The following VPS35L variants were observed in gnomAD, a reference collection of about 807,000 sequenced individuals.
The protein encoded by VPS35L is VPS35 endosomal protein-sorting factor-like.
VPS35L carries 83 observed loss-of-function variants against 133.0 expected under a neutral mutation model. The ratio of observed to expected loss-of-function variants is 0.62; its 90% CI spans 0.52 to 0.75. The LOEUF (loss-of-function observed/expected upper bound fraction) is 0.75. Among genes scored for constraint, VPS35L ranks in the 30% least tolerant of loss-of-function variants. The probability of loss-of-function intolerance (pLI) is 0.00; values close to 1 mark genes in which losing one functional copy is unlikely to be tolerated. For missense variants in VPS35L, 1,083 were observed against 1,206.8 expected (o/e 0.90, Z 1.52); for synonymous variants, 423 against 449.9 (o/e 0.94, Z 0.76).
intron 7 of VPS35L, among the ~76,000 whole-genome samples, chr16:19,588,726 T>C (rs1185558584): frequency 6.6e-6 from 1 of 151,284 alleles, no homozygotes; most frequent in Non-Finnish European, 1.5e-5. Context: ...TTTCACTACA[T>C]GGACAATGTC....
At chr16:19,626,730 C>G (rs1254955979) in intron 15 of VPS35L, among the ~76,000 whole-genome samples, 5 of 151,912 alleles carry the variant, frequency 3.3e-5, no homozygotes, top group African/African-American at 1.2e-4. Context: ...ACACTGTACT[C>G]TAGCTTGGCG....
At chr16:19,611,361 C>G (rs765310526) in intron 12 of VPS35L, among the ~76,000 whole-genome samples, 1 of 152,148 alleles carries the variant, frequency 6.6e-6, no homozygotes, top group African/African-American at 2.4e-5. Context: ...TGTCAGGACT[C>G]CCCCTAGCAA....
intron 28 of VPS35L, among the ~76,000 whole-genome samples, chr16:19,689,724 T>C (rs1383051675): frequency 6.6e-6 from 1 of 152,120 alleles, no homozygotes; most frequent in Non-Finnish European, 1.5e-5. Context: ...AGGATATCCA[T>C]CATCCCTTTG....
chr16:19,596,441 A>ATT (rs113074231), intron 8 of VPS35L, among the ~76,000 whole-genome samples: 28 of 141,076 alleles, frequency 2.0e-4, no homozygotes, highest in East Asian at 6.3e-4. Context: ...TGCCCAGCGA[A>ATT]TTTTTTTTTT....
chr16:19,696,105 C>T (rs889789050), intron 29 of VPS35L, among the ~76,000 whole-genome samples: 2 of 152,068 alleles, frequency 1.3e-5, no homozygotes, highest in Non-Finnish European at 2.9e-5. Flanking sequence ...AGGATGGTCT[C>T]GATCTCCTGA....
intron 29 of VPS35L, among the ~76,000 whole-genome samples, chr16:19,695,681 G>C (rs1250559159): frequency 6.6e-6 from 1 of 152,106 alleles, no homozygotes; most frequent in Non-Finnish European, 1.5e-5. Flanking sequence ...AGGCATGGTG[G>C]TGTGCACCCT....
chr16:19,572,426 C>G (rs1971412350), intron 3 of VPS35L, among the ~76,000 whole-genome samples: 1 of 152,006 alleles, frequency 6.6e-6, no homozygotes, highest in South Asian at 2.1e-4. Context: ...TCTTTGCTGG[C>G]ATAAGGCAAT....
chr16:19,621,551 A>T (rs1040044761), intron 14 of VPS35L, among the ~76,000 whole-genome samples: 3 of 152,260 alleles, frequency 2.0e-5, no homozygotes, highest in Non-Finnish European at 2.9e-5. Flanking sequence ...GCTGTGTGTG[A>T]AAATGAAAGA....
intron 26 of VPS35L, among the ~76,000 whole-genome samples, chr16:19,660,847 A>C (rs904691763): frequency 2.6e-5 from 4 of 152,152 alleles, no homozygotes; most frequent in Non-Finnish European, 5.9e-5. Flanking sequence ...ACTTCCAACC[A>C]TACAGAAATG....
intron 7 of VPS35L, among the ~76,000 whole-genome samples, chr16:19,585,618 T>C (rs1971840898): frequency 6.6e-6 from 1 of 152,022 alleles, no homozygotes; most frequent in African/African-American, 2.4e-5. Context: ...TTGCTCAGTC[T>C]GGTCTTGAAC....
chr16:19,664,647 T>C (rs1002277436), intron 26 of VPS35L, among the ~76,000 whole-genome samples: 2 of 151,208 alleles, frequency 1.3e-5, no homozygotes, highest in African/African-American at 2.4e-5. Context: ...ACGCCTGTAA[T>C]CCCAGCACTT....
chr16:19,609,525 G>A (rs1972643059), intron 11 of VPS35L, among the ~76,000 whole-genome samples: 1 of 152,208 alleles, frequency 6.6e-6, no homozygotes, highest in Non-Finnish European at 1.5e-5. Flanking sequence ...TGCCCTTAGT[G>A]GCTTAGGTCC....
rs1308074933 is a variant in VPS35L at position 19,633,917 on chromosome 16, G to A, written c.1635+745G>A. Among the ~76,000 whole-genome samples the A allele has an allele frequency of 6.6e-6, 1 of 151,764 alleles. No homozygotes were observed. Among genetic ancestry groups the A allele is most frequent in the Non-Finnish European group, 1.5e-5 (1 of 67,934 alleles). Reference sequence around the variant, plus strand: ...AATTTTTTGAATTTTTAGTAGAGTTGGGGTTTCACCGCGTTAGCCAGGGTG... The same window carrying A: ...AATTTTTTGAATTTTTAGTAGAGTTAGGGTTTCACCGCGTTAGCCAGGGTG... On this transcript the variant is annotated intron_variant, in intron 19 of 30. Coordinates refer to ENST00000417362, the MANE Select transcript of VPS35L (RefSeq NM_020314.7). This position sits in a 1 kb window ranked among gnomAD's most constrained non-coding sequence, Gnocchi z 4.1.
At chr16:19,697,287 G>A (rs763284877) in intron 29 of VPS35L, among the ~76,000 whole-genome samples, 9 of 152,114 alleles carry the variant, frequency 5.9e-5, no homozygotes, top group Admixed American at 1.3e-4. Context: ...GGGAGGTGCC[G>A]AAGAGTCTTA....
intron 28 of VPS35L, among the ~76,000 whole-genome samples, chr16:19,688,745 TCTGGTAG>T (rs1448025479): frequency 1.3e-5 from 2 of 152,108 alleles, no homozygotes; most frequent in South Asian, 2.1e-4. Context: ...CAAGTCCCCA[TCTGGTAG>T]CTGGAATGAA....
chr16:19,691,100 C>T (rs1408921082), intron 28 of VPS35L, among the ~76,000 whole-genome samples: 2 of 152,212 alleles, frequency 1.3e-5, no homozygotes, highest in East Asian at 1.9e-4. Flanking sequence ...ATGTCACCCC[C>T]GCTCCCCGCC....
intron 4 of VPS35L, among the ~76,000 whole-genome samples, chr16:19,573,763 A>C (rs1341931667): frequency 1.3e-5 from 2 of 152,134 alleles, no homozygotes; most frequent in Non-Finnish European, 2.9e-5. Flanking sequence ...CATTGCGCAG[A>C]GATCACGCCA....
chr16:19,669,665 CTG>C (rs1406135216), intron 27 of VPS35L, among the ~76,000 whole-genome samples: 1 of 144,760 alleles, frequency 6.9e-6, no homozygotes, highest in East Asian at 2.1e-4. Context: ...CTCTCTCTTT[CTG>C]TCTCTCTTTT....
At chr16:19,617,693 A>C (rs1597365548) in intron 14 of VPS35L, 2 of 152,136 alleles carry the variant, frequency 1.3e-5, no homozygotes, top group East Asian at 3.9e-4. Context: ...CACCAATTCA[A>C]ACTGTCATGA....
Sources: gnomAD v4.1 joint callset for allele counts (sites outside exome capture counted in the v4.1 genomes callset) on GRCh38, gnomAD v4.1.1 for gene constraint, Gnocchi (gnomAD v3.1) non-coding constraint, MANE v1.5 for transcripts, NCBI Gene and HGNC (gene_info 2026-07-23, HGNC 2026-07-21) for gene names.